ADAMTS12: variants seen among roughly 807,000 people sequenced by gnomAD.
ADAMTS12 encodes the protein ADAM metallopeptidase with thrombospondin type 1 motif 12, also known as A disintegrin and metalloproteinase with thrombospondin motifs 12.
Under a neutral mutation model 167.8 loss-of-function variants are expected in ADAMTS12, and 118 were observed. The observed-to-expected ratio is 0.70, with a 90% CI of 0.61 to 0.82. The LOEUF is 0.82. ADAMTS12 is among the 40% of genes least tolerant of loss of function. The pLI is 0.00. For missense variants in ADAMTS12, 1,916 were observed against 1,998.8 expected (o/e 0.96, Z 0.79); for synonymous variants, 704 against 716.9 (o/e 0.98, Z 0.29).
At chr5:33,746,655 T>A (rs1221834148) in intron 3 of ADAMTS12, among the ~76,000 whole-genome samples, 2 of 152,216 alleles carry the variant, frequency 1.3e-5, no homozygotes, top group African/African-American at 4.8e-5. Flanking sequence ...TGCAGCATGA[T>A]GATGTTCTTT....
intron 2 of ADAMTS12, among the ~76,000 whole-genome samples, chr5:33,775,858 A>G (rs1745895125): frequency 6.6e-6 from 1 of 152,160 alleles, no homozygotes; most frequent in African/African-American, 2.4e-5. Flanking sequence ...CCCTTTGTGG[A>G]GGTGATTCGG....
At chr5:33,631,084 C>A (rs1739906062) in intron 12 of ADAMTS12, among the ~76,000 whole-genome samples, 171 bp from the exon 13 acceptor site, 2 of 152,142 alleles carry the variant, frequency 1.3e-5, no homozygotes, top group African/African-American at 4.8e-5. Flanking sequence ...TTCACACATC[C>A]AGGTGCTGAA....
chr5:33,597,134 A>G (rs4437376), intron 16 of ADAMTS12, among the ~76,000 whole-genome samples: 1 of 152,020 alleles, frequency 6.6e-6, no homozygotes, highest in Admixed American at 6.5e-5. Flanking sequence ...GGCACAGTGA[A>G]GTCACAAAGG....
chr5:33,566,840 C>T (rs1746038456), intron 19 of ADAMTS12, among the ~76,000 whole-genome samples: 1 of 152,186 alleles, frequency 6.6e-6, no homozygotes, highest in Admixed American at 6.5e-5. Context: ...TGATTTGTTC[C>T]ACTTCAAGGC....
At chr5:33,592,585 T>C (rs1303932489) in intron 17 of ADAMTS12, among the ~76,000 whole-genome samples, 1 of 152,198 alleles carries the variant, frequency 6.6e-6, no homozygotes. Flanking sequence ...CTTGACAGCC[T>C]ACCCTCTCCT....
intron 22 of ADAMTS12, among the ~76,000 whole-genome samples, chr5:33,544,433 T>C (rs1368696769): frequency 6.6e-6 from 1 of 152,218 alleles, no homozygotes; most frequent in Non-Finnish European, 1.5e-5. Context: ...ATGGCCATAT[T>C]GCCCTAGGTA....
chr5:33,750,220 G>C (rs1744928097), intron 3 of ADAMTS12, among the ~76,000 whole-genome samples: 1 of 152,180 alleles, frequency 6.6e-6, no homozygotes, highest in South Asian at 2.1e-4. Context: ...GATTTAGCCA[G>C]CAAGTTATCT....
chr5:33,624,148 A>G lies in ADAMTS12; in HGVS notation c.2143+83T>C, dbSNP rs868492910. 19 of 1,576,154 alleles carry G rather than the reference A, an allele frequency of 1.2e-5. 1 individual carries two copies. In the Middle Eastern group the frequency reaches 3.2e-3, roughly 269 times the overall value. ...TCACAGACTGTTTAAAGAAATAAAA[A>G]CAAAAACTAGGAACCAATCAACCAT... On this transcript the variant is annotated intron_variant, in intron 14 of 23. Transcript: ENST00000504830.
At chr5:33,854,378 C>T (rs1002880611) in intron 2 of ADAMTS12, among the ~76,000 whole-genome samples, 6 of 152,086 alleles carry the variant, frequency 3.9e-5, no homozygotes, top group Middle Eastern at 3.2e-3. Flanking sequence ...AGAAGAGATT[C>T]AAAGTAAAGT....
intron 2 of ADAMTS12, among the ~76,000 whole-genome samples, chr5:33,815,331 C>G (rs184183862): frequency 6.6e-6 from 1 of 152,252 alleles, no homozygotes; most frequent in Non-Finnish European, 1.5e-5. Flanking sequence ...TAATTATTAA[C>G]AGGTTTAGAT....
At chr5:33,603,892 A>C (rs1236728551) in intron 16 of ADAMTS12, among the ~76,000 whole-genome samples, 1 of 152,254 alleles carries the variant, frequency 6.6e-6, no homozygotes, top group Admixed American at 6.5e-5. Context: ...AAATGTAGTC[A>C]AACAGCCCTG....
intron 2 of ADAMTS12, among the ~76,000 whole-genome samples, chr5:33,879,191 G>A (rs1750337708): frequency 6.6e-6 from 1 of 152,046 alleles, no homozygotes; most frequent in Non-Finnish European, 1.5e-5. Context: ...CAGTAAAGCA[G>A]CTAAACACAC....
At chr5:33,728,992 G>A (rs1451672166) in intron 3 of ADAMTS12, among the ~76,000 whole-genome samples, 2 of 152,156 alleles carry the variant, frequency 1.3e-5, no homozygotes, top group African/African-American at 4.8e-5. Context: ...ATGTGTATAT[G>A]TACATGATAT....
chr5:33,791,313 T>C (rs1486694892), intron 2 of ADAMTS12, among the ~76,000 whole-genome samples: 2 of 152,204 alleles, frequency 1.3e-5, no homozygotes, highest in Non-Finnish European at 2.9e-5. Context: ...GATATTAATA[T>C]GCTCTGTAAT....
chr5:33,801,673 A>T (rs1747015018), intron 2 of ADAMTS12, among the ~76,000 whole-genome samples: 1 of 152,228 alleles, frequency 6.6e-6, no homozygotes, highest in Non-Finnish European at 1.5e-5. Context: ...ACAGTGTAGC[A>T]GAAATGGTGC....
At chr5:33,543,983 T>C (rs1744835941) in intron 22 of ADAMTS12, among the ~76,000 whole-genome samples, 1 of 152,196 alleles carries the variant, frequency 6.6e-6, no homozygotes, top group Non-Finnish European at 1.5e-5. Flanking sequence ...ACCACTCCTA[T>C]TGAACATAGT....
rs1182529569 is a variant in ADAMTS12, at chr5:33,524,022, G to A, written c.*3166C>T. On this transcript the variant is annotated 3_prime_UTR_variant, in exon 24 of 24. Coordinates refer to ENST00000504830, the MANE Select transcript of ADAMTS12 (RefSeq NM_030955.4). ...AAGATTTTAGTCAACTAAATGGGATGTTATTATCTAAAACAATATAATCTC... is the reference window on the plus strand; with the variant it reads ...AAGATTTTAGTCAACTAAATGGGATATTATTATCTAAAACAATATAATCTC... 1 of 152,198 alleles carries A rather than the reference G, an allele frequency of 6.6e-6. No individual in the cohort carries two copies. Among genetic ancestry groups the A allele is most frequent in the Non-Finnish European group, 1.5e-5 (1 of 68,036 alleles). The allele number at this position is 152,198 out of a possible 1,614,324, so 9.4% of individuals were successfully genotyped here. A position where few individuals can be genotyped will look rare whatever the true frequency, so the allele number is the denominator to read the frequency against.
At chr5:33,585,072 T>C (rs1747274554) in intron 18 of ADAMTS12, among the ~76,000 whole-genome samples, 1 of 146,252 alleles carries the variant, frequency 6.8e-6, no homozygotes, top group Admixed American at 6.8e-5. Context: ...CATCCATCCA[T>C]CCATCCATCC....
At chr5:33,877,523 C>T (rs1353986594) in intron 2 of ADAMTS12, among the ~76,000 whole-genome samples, 2 of 152,164 alleles carry the variant, frequency 1.3e-5, no homozygotes, top group South Asian at 4.1e-4. Context: ...GATTAAAGAA[C>T]ACAGTTCCTC....
Sources: gnomAD v4.1 joint callset for allele counts (sites outside exome capture counted in the v4.1 genomes callset) on GRCh38, gnomAD v4.1.1 for gene constraint, MANE v1.5 for transcripts, NCBI Gene and HGNC (gene_info 2026-07-23, HGNC 2026-07-21) for gene names.